The following NOP14 variants were observed in gnomAD, a reference collection of about 807,000 sequenced individuals.
NOP14 encodes the protein NOP14 nucleolar protein.
Under a neutral mutation model 101.6 loss-of-function variants are expected in NOP14, and 57 were observed. The observed-to-expected ratio is 0.56, with a 90% CI of 0.45 to 0.70. The LOEUF (loss-of-function observed/expected upper bound fraction) is 0.70, where lower values mean the gene tolerates loss of function less well. Among genes scored for constraint, NOP14 ranks in the 30% least tolerant of loss-of-function variants. The pLI is 0.00. For synonymous variants in NOP14, 428 were observed against 424.0 expected, an observed-to-expected ratio of 1.01 and a Z score of -0.12; for missense variants, 1,134 against 1,075.5, an observed-to-expected ratio of 1.05 and a Z score of -0.76.
chr4:2,948,955 C>T (rs1421873435), intron 8 of NOP14, among the ~76,000 whole-genome samples: 4 of 152,218 alleles, frequency 2.6e-5, no homozygotes, highest in Non-Finnish European at 5.9e-5. Context: ...GCCCTCCCAC[C>T]TTTCCTTGAT....
Position 2,938,383 on chromosome 4 carries a change from G to C in NOP14, c.*448C>G. The C allele has an allele frequency of 2.5e-6, 1 of 402,100 alleles. No individual in the cohort carries two copies. The highest frequency in any genetic ancestry group is 4.8e-6 in the Non-Finnish European group (1 of 208,058). 24.9% of individuals were successfully genotyped at this position (402,100 alleles called of 1,614,324 possible). On this transcript the variant is annotated 3_prime_UTR_variant, in exon 18 of 18. Coordinates refer to ENST00000416614, the MANE Select transcript of NOP14 (RefSeq NM_001291978.2). ...TAAAAATACAAAATTAGCTGGGCGTGGTGGCACATGTCTGTAATCCCAGCT... is the reference window on the plus strand; with the variant it reads ...TAAAAATACAAAATTAGCTGGGCGTCGTGGCACATGTCTGTAATCCCAGCT...
intron 12 of NOP14, 139 bp from the exon 13 acceptor site, chr4:2,944,365 G>T (rs1714450590): frequency 1.8e-6 from 1 of 562,464 alleles, no homozygotes; most frequent in Non-Finnish European, 3.0e-6. Flanking sequence ...TTATAGCAGT[G>T]TCGAGAGCAT....
rs781415421 is a variant in NOP14, at chr4:2,942,197, G to A, written c.2046C>T (p.His682=). The A allele has an allele frequency of 1.4e-5, 23 of 1,613,804 alleles. No homozygotes were observed. In the Middle Eastern group the frequency reaches 1.5e-3, roughly 104 times the overall value. ...LRAPTSTEAN[H]IRLSCLAVGL... is the part of the protein sequence containing the mutation. ...AGCGGGGTCCCCTCACATACCGGAT[G>A]TGATTGGCCTCTGTCGAAGTTGGGG... Residue 682 remains histidine, a synonymous_variant, in exon 14 of 18, where the codon CAC becomes CAT. Coordinates refer to ENST00000416614, the MANE Select transcript of NOP14 (RefSeq NM_001291978.2).
In NOP14 at chr4:2,938,864, C is replaced by G. The variant is rs1173888823; in HGVS notation, c.2541G>C (p.Trp847Cys). 1 of 1,614,110 alleles carries G rather than the reference C, an allele frequency of 6.2e-7. No individual in the cohort carries two copies. Among genetic ancestry groups the G allele is most frequent in the Admixed American group, 1.7e-5 (1 of 60,034 alleles). ...TGAACTTTTTCCTCTTCAGAGCCTT[C>G]CATTCGCCTTCCTGTGTAGCCAGGC... ...FNSLATQEGE[W>C]KALKRKKFKK Residue 847 changes from tryptophan to cysteine, a missense_variant, in exon 18 of 18, where the codon TGG (tryptophan) becomes TGC (cysteine). Trp to Cys is a radical substitution (Grantham distance 215, BLOSUM62 -2). Coordinates refer to ENST00000416614, the MANE Select transcript of NOP14 (RefSeq NM_001291978.2).
In NOP14 at chr4:2,963,169, C is replaced by T; in HGVS notation, c.151G>A (p.Asp51Asn). The change falls in exon 1 of 18, where the codon GAC becomes AAC. Residue 51 changes from aspartate (D) to asparagine (N), a missense_variant. Physicochemically the swap from Asp to Asn is conservative, Grantham distance 23 (BLOSUM62 1). Transcript: ENST00000416614. ...FQILGRKTRH[D>N]VGLPGVSRAR... ...CGAGACACCCCGGGCAGTCCCACGT[C>T]GTGGCGCGTCTTCCGGCCCAGGATC... 2 of 1,580,102 alleles carry T rather than the reference C, an allele frequency of 1.3e-6. No homozygotes were observed. Among genetic ancestry groups the T allele is most frequent in the South Asian group, 1.1e-5 (1 of 88,162 alleles).
At chr4:2,943,371 G>C (rs1396429223) in intron 13 of NOP14, among the ~76,000 whole-genome samples, 3 of 152,258 alleles carry the variant, frequency 2.0e-5, no homozygotes, top group Non-Finnish European at 4.4e-5. Context: ...CTCTGGTCAG[G>C]CTGGGAGAGG....
In NOP14 at chr4:2,941,570, G is replaced by T. The variant is rs369781619; in HGVS notation, c.2199+12C>A. ...GCCCAGGCAGAGCACCCTAGTGGCCGGGAAGCCTCACCTGGAGCTCCTGCG... is the reference window on the plus strand; with the variant it reads ...GCCCAGGCAGAGCACCCTAGTGGCCTGGAAGCCTCACCTGGAGCTCCTGCG... On this transcript the variant is annotated intron_variant, in intron 15 of 17. Transcript: ENST00000416614. 1.9e-6 allele frequency: 3 copies of T among 1,609,686 alleles called. No homozygotes were observed. The African/African-American group carries it at 4.0e-5, about 22-fold the overall frequency.
chr4:2,948,330 A>T lies in NOP14; in HGVS notation c.1361T>A (p.Ile454Asn), dbSNP rs878985599. Residue 454 changes from isoleucine (I) to asparagine (N), a missense_variant, in exon 9 of 18, where the codon ATT becomes AAT. Ile to Asn is a moderately radical substitution (Grantham distance 149). Coordinates refer to ENST00000416614, the MANE Select transcript of NOP14 (RefSeq NM_001291978.2). The stretch of plus-strand genomic sequence containing the variant: ...GAGACTCGGGTGGTTGCACTTCTGA[A>T]TTCTCTCCACCACCAAAAGCTGCTC... ...MEEQLLVVER[I>N]QKCNHPSLAE... 2 of 1,610,416 alleles carry T rather than the reference A, an allele frequency of 1.2e-6. No homozygotes were observed. The highest frequency in any genetic ancestry group is 1.3e-5 in the African/African-American group (1 of 74,536).
chr4:2,962,921 A>G (rs1019960881), intron 1 of NOP14, among the ~76,000 whole-genome samples: 7 of 152,150 alleles, frequency 4.6e-5, no homozygotes, highest in African/African-American at 1.4e-4. Flanking sequence ...ACACGAGTGC[A>G]GGGTCTCCAA....
In NOP14 at chr4:2,946,528, G is replaced by C; in HGVS notation, c.1519C>G (p.Gln507Glu). ...KLVVHLYHLC[Q>E]MFPESASDAI... Reference sequence around the variant, plus strand: ...TCACTTGCAGATTCAGGAAACATCTGGCAAAGATGATATAAGTGCCTGTTA... The same window carrying C: ...TCACTTGCAGATTCAGGAAACATCTCGCAAAGATGATATAAGTGCCTGTTA... The change falls in exon 11 of 18, where the codon CAG becomes GAG. Residue 507 changes from glutamine to glutamate, a missense_variant. Physicochemically the swap from Gln to Glu is conservative, Grantham distance 29. Transcript: ENST00000416614. 1 of 1,614,064 alleles carries C rather than the reference G, an allele frequency of 6.2e-7. No homozygotes were observed. Among genetic ancestry groups the C allele is most frequent in the Non-Finnish European group, 8.5e-7 (1 of 1,179,928 alleles).
Position 2,938,938 on chromosome 4 carries a change from A to C in NOP14, c.2475-8T>G, listed in dbSNP as rs1310042513. On this transcript the variant is annotated splice_polypyrimidine_tract_variant and splice_region_variant and intron_variant, in intron 17 of 17. Coordinates refer to ENST00000416614, the MANE Select transcript of NOP14 (RefSeq NM_001291978.2). ...CGCTTTCTTTCCGCATCCCTAAAAG[A>C]AACAAAAGGCAAATGCCCATTTTTG... 6.2e-7 allele frequency: 1 copy of C among 1,612,946 alleles called. No homozygotes were observed. The highest frequency in any genetic ancestry group is 1.7e-5 in the Admixed American group (1 of 60,016).
In NOP14 at chr4:2,938,718, G is replaced by T; in HGVS notation, c.*113C>A. 1.2e-6 allele frequency: 1 copy of T among 802,030 alleles called. No individual in the cohort carries two copies. Among genetic ancestry groups the T allele is most frequent in the Non-Finnish European group, 2.0e-6 (1 of 492,692 alleles). The allele number at this position is 802,030 out of a possible 1,614,324, so 49.7% of individuals were successfully genotyped here. On this transcript the variant is annotated 3_prime_UTR_variant, in exon 18 of 18. Coordinates refer to ENST00000416614, the MANE Select transcript of NOP14 (RefSeq NM_001291978.2). ...AGACGGGGTCTTCCTGTGTTGCCCAGGCTGGTCTCGAACTCCTGGGCTGAA... is the reference window on the plus strand; with the variant it reads ...AGACGGGGTCTTCCTGTGTTGCCCATGCTGGTCTCGAACTCCTGGGCTGAA...
intron 15 of NOP14, chr4:2,941,307 C>T (rs1436548558): frequency 9.2e-6 from 4 of 433,086 alleles, no homozygotes; most frequent in South Asian, 5.0e-5. Flanking sequence ...GACCCCTGGG[C>T]GCTGGTGCAC....
chr4:2,956,906 T>C (rs1715383949), intron 2 of NOP14, 95 bp from the exon 3 acceptor site: 1 of 1,103,102 alleles, frequency 9.1e-7, no homozygotes, highest in Non-Finnish European at 1.3e-6. Context: ...CCATTATATT[T>C]GAAATATGAC....
chr4:2,945,415 G>A (rs1236614866), intron 11 of NOP14, among the ~76,000 whole-genome samples, 186 bp from the exon 12 acceptor site: 1 of 152,216 alleles, frequency 6.6e-6, no homozygotes, highest in Non-Finnish European at 1.5e-5. Context: ...AGCTAAACGT[G>A]CAGTGAGGAC....
At chr4:2,950,867 CCTTT>C (rs1473031921) in intron 7 of NOP14, 3 of 395,642 alleles carry the variant, frequency 7.6e-6, no homozygotes, top group African/African-American at 4.1e-5. Context: ...TATCTGTGTT[CCTTT>C]GAGACAGAGA....
Position 2,948,343 on chromosome 4 carries a change from C to A in NOP14, c.1348G>T (p.Val450Leu). 6.2e-7 allele frequency: 1 copy of A among 1,612,196 alleles called. No individual in the cohort carries two copies. The highest frequency in any genetic ancestry group is 8.5e-7 in the Non-Finnish European group (1 of 1,179,550). ...TTGCACTTCTGAATTCTCTCCACCA[C>A]CAAAAGCTGCTCTTCCATCGATCTT... ...LGRSMEEQLL[V>L]VERIQKCNHP... Residue 450 changes from valine (V) to leucine (L), a missense_variant, in exon 9 of 18, where the codon GTG becomes TTG. Physicochemically the swap from Val to Leu is conservative, Grantham distance 32 (BLOSUM62 1). Coordinates refer to ENST00000416614, the MANE Select transcript of NOP14 (RefSeq NM_001291978.2).
intron 8 of NOP14, 51 bp downstream of exon 8, chr4:2,949,883 C>T: frequency 6.2e-7 from 1 of 1,605,494 alleles, no homozygotes; most frequent in Non-Finnish European, 8.5e-7. Context: ...CAGCTATGGC[C>T]AGGTCATAAA....
intron 3 of NOP14, among the ~76,000 whole-genome samples, chr4:2,955,009 C>T (rs1348668665): frequency 4.7e-5 from 7 of 149,706 alleles, no homozygotes; most frequent in Non-Finnish European, 8.9e-5. Flanking sequence ...CTGCACGCCA[C>T]GGCGCCCCCT....
Sources: allele counts gnomAD v4.1 joint callset (sites outside exome capture counted in the v4.1 genomes callset), GRCh38; gene constraint gnomAD v4.1.1; transcripts MANE v1.5; gene names NCBI Gene and HGNC (gene_info 2026-07-23, HGNC 2026-07-21).